NHSL1: variants seen among roughly 807,000 people sequenced by gnomAD.
The protein encoded by NHSL1 is NHS-like protein 1.
Under a neutral mutation model 95.0 loss-of-function variants are expected in NHSL1, and 48 were observed. The observed-to-expected ratio is 0.51, with a 90% CI of 0.40 to 0.64. The LOEUF (loss-of-function observed/expected upper bound fraction) is 0.64, where lower values mean the gene tolerates loss of function less well. Among genes scored for constraint, NHSL1 ranks in the 30% least tolerant of loss-of-function variants. The pLI, the probability that NHSL1 is intolerant of heterozygous loss-of-function variation, is 0.00. For synonymous variants in NHSL1, 783 were observed against 833.9 expected (o/e 0.94, Z 1.05); for missense variants, 1,971 against 2,077.7 (o/e 0.95, Z 1.00).
At chr6:138,591,119 A>G (rs1178865276) in intron 1 of NHSL1, among the ~76,000 whole-genome samples, 1 of 152,202 alleles carries the variant, frequency 6.6e-6, no homozygotes, top group East Asian at 1.9e-4. Context: ...GGAGGCACTC[A>G]GACCTATCTT....
In NHSL1 at chr6:138,650,200, GT is replaced by G. The variant is rs888852773; in HGVS notation, c.96+42275del. The G allele has an allele frequency of 3.2e-5, 19 of 601,756 alleles. No individual in the cohort carries two copies. The African/African-American group carries it at 3.5e-4, about 11-fold the overall frequency. The allele number at this position is 601,756 out of a possible 1,614,324, so 37.3% of individuals were successfully genotyped here. A position where few individuals can be genotyped will look rare whatever the true frequency, so the allele number is the denominator to read the frequency against. On this transcript the variant is annotated intron_variant, in intron 1 of 3. Transcript: ENST00000491526. ...CTCATGGTGGCCAGGTTAAGACTGT[GT>G]TTTTTAGATGATTCAGGTTACTCCA...
intron 2 of NHSL1, among the ~76,000 whole-genome samples, chr6:138,481,788 G>A (rs1323928425): frequency 6.6e-6 from 1 of 152,098 alleles, no homozygotes; most frequent in East Asian, 1.9e-4. Flanking sequence ...ATAAAAGCAT[G>A]CTTTTATATT....
intron 1 of NHSL1, among the ~76,000 whole-genome samples, chr6:138,519,607 G>C (rs563076915): frequency 6.6e-6 from 1 of 152,264 alleles, no homozygotes; most frequent in East Asian, 1.9e-4. Context: ...ATCAACAGAG[G>C]AGTGGGAAAA....
At chr6:138,476,856 G>A (rs1779103964) in intron 2 of NHSL1, among the ~76,000 whole-genome samples, 1 of 150,352 alleles carries the variant, frequency 6.7e-6, no homozygotes, top group Non-Finnish European at 1.5e-5. Context: ...TATCTATTGG[G>A]TACAATGTTC....
intron 2 of NHSL1, among the ~76,000 whole-genome samples, chr6:138,495,830 T>C (rs7451878): frequency 0.41 from 61,595 of 152,016 alleles, 12,583 homozygotes; most frequent in South Asian, 0.47. Flanking sequence ...TGGCAGAAGG[T>C]GAAAGGCACG....
intron 1 of NHSL1, among the ~76,000 whole-genome samples, chr6:138,622,732 C>A (rs1784682123): frequency 6.6e-6 from 1 of 152,088 alleles, no homozygotes; most frequent in African/African-American, 2.4e-5. Context: ...TCAGTGTAAC[C>A]AATGCAAGTT....
chr6:138,674,802 C>T (rs1785426915), intron 1 of NHSL1, among the ~76,000 whole-genome samples: 1 of 152,092 alleles, frequency 6.6e-6, no homozygotes, highest in Non-Finnish European at 1.5e-5. Flanking sequence ...ATATTTACAA[C>T]AGAATGATTT....
chr6:138,591,395 C>T (rs1784224690), intron 1 of NHSL1, among the ~76,000 whole-genome samples: 1 of 152,102 alleles, frequency 6.6e-6, no homozygotes, highest in South Asian at 2.1e-4. Context: ...CAGAAATCAA[C>T]AATTCATAAG....
chr6:138,464,307 C>A, intron 3 of NHSL1: 2 of 674,342 alleles, frequency 3.0e-6, no homozygotes, highest in Non-Finnish European at 2.6e-6. Flanking sequence ...GCGGACTGGG[C>A]CCTCAGCGCC....
At chr6:138,644,853 G>A (rs1193858084) in intron 1 of NHSL1, among the ~76,000 whole-genome samples, 1 of 152,140 alleles carries the variant, frequency 6.6e-6, no homozygotes, top group Non-Finnish European at 1.5e-5. Flanking sequence ...ATTAATATTG[G>A]TAGAATACTT....
intron 1 of NHSL1, among the ~76,000 whole-genome samples, chr6:138,663,882 AT>A (rs1329449331): frequency 1.3e-5 from 2 of 152,072 alleles, no homozygotes; most frequent in African/African-American, 4.8e-5. Context: ...AAGAAAAAAA[AT>A]CATTCTAGGA....
intron 1 of NHSL1, among the ~76,000 whole-genome samples, chr6:138,632,694 C>T (rs1784835222): frequency 6.6e-6 from 1 of 152,160 alleles, no homozygotes; most frequent in African/African-American, 2.4e-5. Flanking sequence ...GCTTACAGCA[C>T]AACACCCAAG....
In NHSL1 at chr6:138,569,508, C is replaced by T. The variant is rs145995251; in HGVS notation, c.202+2202G>A. ...TCTCCCAGTGCATATTTATTTGCAACCAAATCCTAACGTGGCCATTGGGCA... is the reference window on the plus strand; with the variant it reads ...TCTCCCAGTGCATATTTATTTGCAATCAAATCCTAACGTGGCCATTGGGCA... On this transcript the variant is annotated intron_variant, in intron 1 of 6. Transcript: ENST00000427025. Among the ~76,000 whole-genome samples the T allele has an allele frequency of 6.8e-3, 1,040 of 152,260 alleles. 11 individuals carry two copies. Among genetic ancestry groups the T allele is most frequent in the African/African-American group, 0.024 (992 of 41,536 alleles).
At chr6:138,693,181 A>G (rs1785712512), upstream of NHSL1, among the ~76,000 whole-genome samples, 3 of 151,034 alleles carry the variant, frequency 2.0e-5, no homozygotes. The surrounding 1 kb of genome is among the most constrained non-coding windows in gnomAD (Gnocchi z 4.3). Context: ...CGGATTGGAG[A>G]GGGAGGAGGA....
intron 2 of NHSL1, among the ~76,000 whole-genome samples, chr6:138,493,255 C>T (rs957578913): frequency 6.6e-6 from 1 of 152,102 alleles, no homozygotes; most frequent in Non-Finnish European, 1.5e-5. Context: ...CAGGAATTTT[C>T]CAAAGTTATT....
intron 5 of NHSL1, among the ~76,000 whole-genome samples, chr6:138,437,391 T>TATATATATATACACATATATATATACAC (rs1562270609): frequency 1.2e-3 from 70 of 58,338 alleles, no homozygotes; most frequent in African/African-American, 4.0e-3. Context: ...TATATACACA[T>TATATATATATACACATATATATATACAC]ATATATATAT....
At chr6:138,655,809 T>C (rs972294832) in intron 1 of NHSL1, among the ~76,000 whole-genome samples, 1 of 152,224 alleles carries the variant, frequency 6.6e-6, no homozygotes, top group Non-Finnish European at 1.5e-5. Context: ...TATACTGTTG[T>C]GCCAATCCAG....
At chr6:138,610,549 ATATATAT>A (rs1245609908) in intron 1 of NHSL1, among the ~76,000 whole-genome samples, 2 of 131,396 alleles carry the variant, frequency 1.5e-5, no homozygotes, top group Admixed American at 7.7e-5. Context: ...TAATAAAAAA[ATATATAT>A]ATATTATATA....
intron 1 of NHSL1, among the ~76,000 whole-genome samples, chr6:138,596,797 G>A (rs1175586447): frequency 6.6e-6 from 1 of 152,088 alleles, no homozygotes; most frequent in Non-Finnish European, 1.5e-5. Flanking sequence ...AAGCTTCCAT[G>A]AGATAATCCT....
Sources: allele counts gnomAD v4.1 joint callset (sites outside exome capture counted in the v4.1 genomes callset), GRCh38; gene constraint gnomAD v4.1.1; non-coding constraint Gnocchi (gnomAD v3.1); transcripts MANE v1.5; gene names NCBI Gene and HGNC (gene_info 2026-07-23, HGNC 2026-07-21).